The following ADAMTS2 variants were observed in gnomAD, a reference collection of about 807,000 sequenced individuals.
The protein encoded by ADAMTS2 is A disintegrin and metalloproteinase with thrombospondin motifs 2.
Under a neutral mutation model 123.0 loss-of-function variants are expected in ADAMTS2, and 50 were observed. The observed-to-expected ratio is 0.41, with a 90% CI of 0.32 to 0.51. ADAMTS2 has a LOEUF of 0.51. ADAMTS2 is among the 20% of genes least tolerant of loss of function. The pLI is 0.35. For synonymous variants in ADAMTS2, 678 were observed against 695.4 expected, an observed-to-expected ratio of 0.98 and a Z score of 0.39; for missense variants, 1,494 against 1,705.2, an observed-to-expected ratio of 0.88 and a Z score of 2.18.
In ADAMTS2 at chr5:179,128,216, CTCA is replaced by C; in HGVS notation, c.2458-101_2458-99del. 2 of 1,462,666 alleles carry C rather than the reference CTCA, an allele frequency of 1.4e-6. No homozygotes were observed. The highest frequency in any genetic ancestry group is 1.8e-5 in the Admixed American group (1 of 54,648). The allele number at this position is 1,462,666 out of a possible 1,614,324, so 90.6% of individuals were successfully genotyped here. ...CAGCTGAGGCCGACTCCAGAGGAGT[CTCA>C]TCATTCATGGCAGTTACATTCCATG... On this transcript the variant is annotated intron_variant, in intron 16 of 21. Transcript: ENST00000251582. This position sits in a 1 kb window ranked among gnomAD's most constrained non-coding sequence, Gnocchi z 4.9.
At chr5:179,268,521 TCA>T (rs1766433826) in intron 3 of ADAMTS2, among the ~76,000 whole-genome samples, 1 of 152,216 alleles carries the variant, frequency 6.6e-6, no homozygotes, top group Non-Finnish European at 1.5e-5. Flanking sequence ...GTGGCAACCT[TCA>T]CAGAGTCCCA....
Position 179,344,056 on chromosome 5 carries a change from GC to G in ADAMTS2, c.244del (p.Ala82GlnfsTer83). On this transcript the variant is annotated frameshift_variant, in exon 2 of 22. Coordinates refer to ENST00000251582, the MANE Select transcript of ADAMTS2 (RefSeq NM_014244.5). LOFTEE classifies it high-confidence loss of function. ...SHVVSAATSR[A>X]GVRARRAAPV... is the part of the protein sequence containing the mutation. Reference sequence around the variant, plus strand: ...GGCGGCCCTGCGGGCTCGTACCCCTGCTCTGGACGTAGCTGCCGACACCACG... The same window carrying G: ...GGCGGCCCTGCGGGCTCGTACCCCTGTCTGGACGTAGCTGCCGACACCACG... 1 of 1,612,202 alleles carries G rather than the reference GC, an allele frequency of 6.2e-7. No homozygotes were observed. The highest frequency in any genetic ancestry group is 8.5e-7 in the Non-Finnish European group (1 of 1,179,700).
At chr5:179,165,111 T>C (rs1763671938) in intron 5 of ADAMTS2, among the ~76,000 whole-genome samples, 1 of 152,220 alleles carries the variant, frequency 6.6e-6, no homozygotes. Context: ...GATACTGTCC[T>C]GACATGCAGT....
At chr5:179,270,935 C>G (rs1315141550) in intron 3 of ADAMTS2, among the ~76,000 whole-genome samples, 1 of 152,206 alleles carries the variant, frequency 6.6e-6, no homozygotes, top group Middle Eastern at 3.2e-3. Context: ...ACATCCACAG[C>G]CTGGGCCCCA....
intron 4 of ADAMTS2, among the ~76,000 whole-genome samples, chr5:179,201,746 G>A (rs1171355961): frequency 6.6e-6 from 1 of 151,984 alleles, no homozygotes; most frequent in Non-Finnish European, 1.5e-5. Context: ...AGGTTGCAGT[G>A]AGCCAAGATC....
At chr5:179,191,424 C>T (rs534437317) in intron 4 of ADAMTS2, among the ~76,000 whole-genome samples, 206 of 152,266 alleles carry the variant, frequency 1.4e-3, no homozygotes, top group Non-Finnish European at 1.8e-3. Flanking sequence ...CGGCCCATCC[C>T]GTGACTGAGC....
chr5:179,223,413 CAT>C (rs1765181151), intron 3 of ADAMTS2, among the ~76,000 whole-genome samples: 1 of 151,752 alleles, frequency 6.6e-6, no homozygotes, highest in Admixed American at 6.6e-5. Flanking sequence ...CATGCAGTCA[CAT>C]ACACACATGC....
chr5:179,207,313 C>T (rs539678379), intron 4 of ADAMTS2, among the ~76,000 whole-genome samples, 200 bp downstream of exon 4: 22 of 152,300 alleles, frequency 1.4e-4, no homozygotes, highest in East Asian at 9.7e-4. Flanking sequence ...GATGTGCAGA[C>T]GAGAGAACTG....
At chr5:179,138,936 C>T (rs1763113343) in intron 11 of ADAMTS2, among the ~76,000 whole-genome samples, 1 of 152,202 alleles carries the variant, frequency 6.6e-6, no homozygotes, top group South Asian at 2.1e-4. Context: ...TAACTGGGCC[C>T]GGCTGTGCAT....
At chr5:179,344,187 G>C (rs753799600) in intron 1 of ADAMTS2, 26 bp from the exon 2 acceptor site, 32 of 1,569,934 alleles carry the variant, frequency 2.0e-5, no homozygotes, top group South Asian at 6.9e-5. Flanking sequence ...GCGTTAGATC[G>C]GCGGAGACCA....
chr5:179,233,052 G>A (rs1322780477), intron 3 of ADAMTS2, among the ~76,000 whole-genome samples: 1 of 152,218 alleles, frequency 6.6e-6, no homozygotes, highest in Non-Finnish European at 1.5e-5. Flanking sequence ...AAGGTTTGCC[G>A]TAGTTAAAGG....
rs1355024259 is a variant in ADAMTS2 at position 179,303,699 on chromosome 5, G to A, written c.535-30635C>T. On this transcript the variant is annotated intron_variant, in intron 2 of 21. Transcript: ENST00000251582. The surrounding 1 kb of genome is among the most constrained non-coding windows in gnomAD (Gnocchi z 4.7). The stretch of plus-strand genomic sequence containing the variant: ...CACGCCAGCTCATGGCAGCCCACAG[G>A]CACCTAAAACTCTAAGAGGGGAGCC... Among the ~76,000 whole-genome samples, 3 of 152,162 alleles carry A rather than the reference G, an allele frequency of 2.0e-5. No individual in the cohort carries two copies. The highest frequency in any genetic ancestry group is 4.4e-5 in the Non-Finnish European group (3 of 68,036).
At chr5:179,284,158 G>A (rs942920160) in intron 2 of ADAMTS2, among the ~76,000 whole-genome samples, 2 of 150,460 alleles carry the variant, frequency 1.3e-5, no homozygotes, top group Non-Finnish European at 3.0e-5. Context: ...GTGAAACCCC[G>A]TCTCTACTAA....
At chr5:179,227,622 A>T (rs924029807) in intron 3 of ADAMTS2, among the ~76,000 whole-genome samples, 2 of 152,118 alleles carry the variant, frequency 1.3e-5, no homozygotes, top group Non-Finnish European at 1.5e-5. Flanking sequence ...GATGCCCTCT[A>T]GGACTGCAGG....
rs539425623 is a variant in ADAMTS2 at position 179,162,170 on chromosome 5, G to A, written c.976-3291C>T. On this transcript the variant is annotated intron_variant, in intron 5 of 21. Transcript: ENST00000251582. This position sits in a 1 kb window ranked among gnomAD's most constrained non-coding sequence, Gnocchi z 5.1. The stretch of plus-strand genomic sequence containing the variant: ...TGGGACGGTCCCTTCCGATGCCCTG[G>A]TGGGTTGCGGTGACTTCTGCCTGCC... Among the ~76,000 whole-genome samples, 1 of 152,318 alleles carries A rather than the reference G, an allele frequency of 6.6e-6. No homozygotes were observed. Among genetic ancestry groups the A allele is most frequent in the Admixed American group, 6.5e-5 (1 of 15,304 alleles).
chr5:179,189,493 G>A lies in ADAMTS2; in HGVS notation c.892-8338C>T, dbSNP rs1303324518. On this transcript the variant is annotated intron_variant, in intron 4 of 21. Coordinates refer to ENST00000251582, the MANE Select transcript of ADAMTS2 (RefSeq NM_014244.5). This position sits in a 1 kb window ranked among gnomAD's most constrained non-coding sequence, Gnocchi z 4.2. Reference sequence around the variant, plus strand: ...CTCCCGAGTAGCTGGGGCTACAGGCGCCCGCCAGTGCGCCTGGTTTTTTTT... The same window carrying A: ...CTCCCGAGTAGCTGGGGCTACAGGCACCCGCCAGTGCGCCTGGTTTTTTTT... Among the ~76,000 whole-genome samples the A allele has an allele frequency of 1.9e-4, 26 of 138,366 alleles. No homozygotes were observed. The highest frequency in any genetic ancestry group is 4.3e-3 in the Middle Eastern group (1 of 230). 90.8% of individuals were successfully genotyped at this position (138,366 alleles called of 152,430 possible).
intron 5 of ADAMTS2, among the ~76,000 whole-genome samples, chr5:179,171,439 A>G (rs1163930544): frequency 6.6e-6 from 1 of 152,036 alleles, no homozygotes; most frequent in East Asian, 1.9e-4. Context: ...CTGCTCTACT[A>G]TTTCCTGCAC....
chr5:179,153,951 T>A, intron 8 of ADAMTS2, 98 bp downstream of exon 8: 1 of 1,486,030 alleles, frequency 6.7e-7, no homozygotes, highest in Non-Finnish European at 9.1e-7. Flanking sequence ...GGACCTGAGG[T>A]CGGAGGGCTC....
chr5:179,155,072 C>A lies in ADAMTS2; in HGVS notation c.1133-153G>T, dbSNP rs1051446099. Among the ~76,000 whole-genome samples the A allele has an allele frequency of 3.9e-5, 6 of 152,210 alleles. No individual in the cohort carries two copies. Among genetic ancestry groups the A allele is most frequent in the African/African-American group, 1.4e-4 (6 of 41,454 alleles). ...CCGGCTGGCACAGCTCAGAAGACACCACAGCAGACAGCTCATAGCCTGTGA... is the reference window on the plus strand; with the variant it reads ...CCGGCTGGCACAGCTCAGAAGACACAACAGCAGACAGCTCATAGCCTGTGA... On this transcript the variant is annotated intron_variant, in intron 6 of 21. Coordinates refer to ENST00000251582, the MANE Select transcript of ADAMTS2 (RefSeq NM_014244.5). The surrounding 1 kb of genome is among the most constrained non-coding windows in gnomAD (Gnocchi z 5.1).
Sources: allele counts gnomAD v4.1 joint callset (sites outside exome capture counted in the v4.1 genomes callset), GRCh38; gene constraint gnomAD v4.1.1; non-coding constraint Gnocchi (gnomAD v3.1); transcripts MANE v1.5; gene names NCBI Gene and HGNC (gene_info 2026-07-23, HGNC 2026-07-21).